The following CAMK1 variants were observed in gnomAD, a reference collection of about 807,000 sequenced individuals.
The protein encoded by CAMK1 is calcium/calmodulin-dependent protein kinase type 1.
CAMK1 carries 39 observed loss-of-function variants against 49.1 expected under a neutral mutation model. The ratio of observed to expected loss-of-function variants is 0.79; its 90% CI spans 0.62 to 1.04. CAMK1 has a LOEUF of 1.04. Among genes scored for constraint, CAMK1 ranks in the 50% least tolerant of loss-of-function variants. The probability of loss-of-function intolerance (pLI) is 0.00; values close to 1 mark genes in which losing one functional copy is unlikely to be tolerated. For synonymous variants in CAMK1, 192 were observed against 185.2 expected, an observed-to-expected ratio of 1.04 and a Z score of -0.30; for missense variants, 457 against 472.2, an observed-to-expected ratio of 0.97 and a Z score of 0.30.
chr3:9,757,885 C>A lies in CAMK1; in HGVS notation c.913-39G>T. 1 of 1,569,118 alleles carries A rather than the reference C, an allele frequency of 6.4e-7. No homozygotes were observed. Among genetic ancestry groups the A allele is most frequent in the East Asian group, 2.3e-5 (1 of 44,126 alleles). On this transcript the variant is annotated intron_variant, in intron 10 of 11. Coordinates refer to ENST00000256460, the MANE Select transcript of CAMK1 (RefSeq NM_003656.5). The surrounding 1 kb of genome is among the most constrained non-coding windows in gnomAD (Gnocchi z 4.5). ...CATTGAAGGGAGAGGGGAGAAAGGACTTTTGAGAGAGTCAAGTCATGGGGC... is the reference window on the plus strand; with the variant it reads ...CATTGAAGGGAGAGGGGAGAAAGGAATTTTGAGAGAGTCAAGTCATGGGGC...
Position 9,762,926 on chromosome 3 carries a change from G to T in CAMK1, c.417C>A (p.His139Gln). 1.2e-6 allele frequency: 2 copies of T among 1,614,112 alleles called. No homozygotes were observed. The highest frequency in any genetic ancestry group is 1.7e-6 in the Non-Finnish European group (2 of 1,180,022). Reference protein sequence around the residue: ...VKYLHDLGIVHRDLKPENLLY... With the variant: ...VKYLHDLGIVQRDLKPENLLY... ...CCTTGAGCCCCACCTTGAGATCCCG[G>T]TGTACAATGCCCAGGTCATGCAGGT... Residue 139 changes from histidine to glutamine, a missense_variant, in exon 5 of 12, where the codon CAC (histidine) becomes CAA (glutamine). His to Gln is a conservative substitution (Grantham distance 24). Coordinates refer to ENST00000256460, the MANE Select transcript of CAMK1 (RefSeq NM_003656.5).
Position 9,769,945 on chromosome 3 carries a change from G to A in CAMK1, c.-146C>T, listed in dbSNP as rs1559708497. 1 of 152,272 alleles carries A rather than the reference G, an allele frequency of 6.6e-6. No homozygotes were observed. The highest frequency in any genetic ancestry group is 2.4e-5 in the African/African-American group (1 of 41,454). 9.4% of individuals were successfully genotyped at this position (152,272 alleles called of 1,614,324 possible). The stretch of plus-strand genomic sequence containing the variant: ...GCCACCCGCCCGCGCTCTTGCTGGA[G>A]CTGGGGCTCGGCTCGGCTCGGCGGC... On this transcript the variant is annotated 5_prime_UTR_variant, in exon 1 of 12. Coordinates refer to ENST00000256460, the MANE Select transcript of CAMK1 (RefSeq NM_003656.5).
At chr3:9,761,028 T>C (rs1575230958) in intron 7 of CAMK1, 1 of 457,606 alleles carries the variant, frequency 2.2e-6, no homozygotes, top group East Asian at 4.2e-5. Context: ...ACACCTCCAA[T>C]GTCTGGCTCC....
intron 10 of CAMK1, chr3:9,759,245 T>A (rs767135568): frequency 3.7e-6 from 6 of 1,614,184 alleles, no homozygotes; most frequent in Non-Finnish European, 5.1e-6. Context: ...CTGGATCAGA[T>A]GCCTCCTGAA....
Position 9,760,745 on chromosome 3 carries a change from T to C in CAMK1, c.656A>G (p.Tyr219Cys). 6.2e-7 allele frequency: 1 copy of C among 1,614,020 alleles called. No homozygotes were observed. The highest frequency in any genetic ancestry group is 2.2e-5 in the East Asian group (1 of 44,848). Residue 219 changes from tyrosine (Y) to cysteine (C), a missense_variant, in exon 8 of 12, where the codon TAT becomes TGT. Coordinates refer to ENST00000256460, the MANE Select transcript of CAMK1 (RefSeq NM_003656.5). The part of the protein sequence containing the change: ...YILLCGYPPF[Y>C]DENDAKLFEQ... ...AAAGAGTTTGGCATCATTCTCGTCA[T>C]AGAAGGGAGGGTAACCGCAGAGCCT...
intron 10 of CAMK1, 59 bp downstream of exon 10, chr3:9,759,429 G>A (rs573056321): frequency 2.4e-4 from 387 of 1,610,732 alleles, no homozygotes; most frequent in Non-Finnish European, 3.0e-4. Context: ...GCTGAGCCTG[G>A]GTAGGGATGG....
chr3:9,757,666 C>T lies in CAMK1; in HGVS notation c.1031-45G>A. The T allele has an allele frequency of 6.2e-7, 1 of 1,614,076 alleles. No homozygotes were observed. The highest frequency in any genetic ancestry group is 8.5e-7 in the Non-Finnish European group (1 of 1,179,994). On this transcript the variant is annotated intron_variant, in intron 11 of 11. Transcript: ENST00000256460. The surrounding 1 kb of genome is among the most constrained non-coding windows in gnomAD (Gnocchi z 4.5). ...AGAGGTGGCCGCAGGGGCAGGCCCT[C>T]CACTCCAGCCCGGGTGCACCTTTGT...
chr3:9,757,993 A>C lies in CAMK1; in HGVS notation c.913-147T>G. The C allele has an allele frequency of 7.4e-7, 1 of 1,345,984 alleles. No homozygotes were observed. Among genetic ancestry groups the C allele is most frequent in the Non-Finnish European group, 9.9e-7 (1 of 1,014,036 alleles). The allele number at this position is 1,345,984 out of a possible 1,614,324, so 83.4% of individuals were successfully genotyped here. A position where few individuals can be genotyped will look rare whatever the true frequency, so the allele number is the denominator to read the frequency against. ...TTAATTCCCCTAAAGCCCCCCAAAA[A>C]CCTCTACAAGGCTTTATTATATATT... is the stretch of plus-strand genomic sequence containing the variant. On this transcript the variant is annotated intron_variant, in intron 10 of 11. Coordinates refer to ENST00000256460, the MANE Select transcript of CAMK1 (RefSeq NM_003656.5). This position sits in a 1 kb window ranked among gnomAD's most constrained non-coding sequence, Gnocchi z 4.5.
chr3:9,765,908 T>G lies in CAMK1; in HGVS notation c.84-18A>C. The G allele has an allele frequency of 6.2e-7, 1 of 1,613,786 alleles. No homozygotes were observed. The highest frequency in any genetic ancestry group is 8.5e-7 in the Non-Finnish European group (1 of 1,179,962). ...AGGCCCCCCTATCGGGAGAGGGGAT[T>G]CACAAGGTGAAGAACTGGAACCCCA... is the stretch of plus-strand genomic sequence containing the variant. On this transcript the variant is annotated intron_variant, in intron 2 of 11. Transcript: ENST00000256460.
intron 1 of CAMK1, among the ~76,000 whole-genome samples, chr3:9,769,540 G>GC (rs936942675): frequency 1.1e-4 from 16 of 152,124 alleles, no homozygotes; most frequent in East Asian, 7.7e-4. Flanking sequence ...CACTCCGCAA[G>GC]CCCCCCCACC....
In CAMK1 at chr3:9,761,750, T is replaced by A; in HGVS notation, c.437A>T (p.Asn146Ile). ...TTCATCCAGGCTGTAGTACAGCAGA[T>A]TCTCTGGCTTGAAGGGCAGGAGGGA... The part of the protein sequence containing the change: ...GIVHRDLKPE[N>I]LLYYSLDEDS... The change falls in exon 6 of 12, where the codon AAT becomes ATT. Residue 146 changes from asparagine to isoleucine, a missense_variant. Physicochemically the swap from Asn to Ile is moderately radical, Grantham distance 149. Transcript: ENST00000256460. 1 of 1,614,026 alleles carries A rather than the reference T, an allele frequency of 6.2e-7. No homozygotes were observed. The highest frequency in any genetic ancestry group is 2.2e-5 in the East Asian group (1 of 44,878).
intron 10 of CAMK1, chr3:9,759,110 G>C (rs1003376079): frequency 8.2e-7 from 1 of 1,220,996 alleles, no homozygotes; most frequent in African/African-American, 1.5e-5. Flanking sequence ...AGTCTGGCCA[G>C]GCTTAGCACT....
rs2304276 is a variant in CAMK1, at chr3:9,757,651, G to T, written c.1031-30C>A. The T allele has an allele frequency of 3.1e-6, 5 of 1,614,052 alleles. No homozygotes were observed. The South Asian group carries it at 5.5e-5, about 18-fold the overall frequency. ...ATGGGAAGACAGAACAGAGGTGGCC[G>T]CAGGGGCAGGCCCTCCACTCCAGCC... On this transcript the variant is annotated intron_variant, in intron 11 of 11. Coordinates refer to ENST00000256460, the MANE Select transcript of CAMK1 (RefSeq NM_003656.5). The surrounding 1 kb of genome is among the most constrained non-coding windows in gnomAD (Gnocchi z 4.5).
chr3:9,762,990 GCGTCCCGCTC>G lies in CAMK1; in HGVS notation c.343_352del (p.Glu115ProfsTer12). 1 of 1,614,156 alleles carries G rather than the reference GCGTCCCGCTC, an allele frequency of 6.2e-7. No homozygotes were observed. The highest frequency in any genetic ancestry group is 8.5e-7 in the Non-Finnish European group (1 of 1,180,036). On this transcript the variant is annotated frameshift_variant, in exon 5 of 12. Coordinates refer to ENST00000256460, the MANE Select transcript of CAMK1 (RefSeq NM_003656.5). LOFTEE classifies it high-confidence loss of function. The stretch of plus-strand genomic sequence containing the variant: ...CAGCACCTGGAAGATGAGGCGGCTG[GCGTCCCGCTC>G]CGTGTAGAAGCCTTTTTCCACAATA...
intron 1 of CAMK1, among the ~76,000 whole-genome samples, chr3:9,767,983 C>G (rs2078201695): frequency 6.6e-6 from 1 of 152,236 alleles, no homozygotes; most frequent in Admixed American, 6.5e-5. Flanking sequence ...ACAGTGGCAG[C>G]AAAATTCTTT....
intron 3 of CAMK1, among the ~76,000 whole-genome samples, chr3:9,763,463 C>T (rs1191718677): frequency 1.3e-5 from 2 of 151,826 alleles, no homozygotes; most frequent in Non-Finnish European, 2.9e-5. Flanking sequence ...ACCCCCAACC[C>T]CCGACCACTG....
At chr3:9,760,890 C>T in intron 7 of CAMK1, 122 bp from the exon 8 acceptor site, 1 of 1,411,830 alleles carries the variant, frequency 7.1e-7, no homozygotes, top group Non-Finnish European at 9.6e-7. Flanking sequence ...TTTATAAACT[C>T]TACCAGCCCT....
chr3:9,766,569 G>A, intron 2 of CAMK1: 1 of 798,242 alleles, frequency 1.3e-6, no homozygotes, highest in South Asian at 2.1e-5. Flanking sequence ...ATCCTCAGGT[G>A]ATTTGTATGC....
intron 2 of CAMK1, chr3:9,766,819 CCT>C (rs2078167131): frequency 5.4e-6 from 1 of 186,024 alleles, no homozygotes; most frequent in South Asian, 1.4e-4. Context: ...CAGTCTTGTC[CCT>C]CTCCAATTTA....
Sources: allele counts gnomAD v4.1 joint callset (sites outside exome capture counted in the v4.1 genomes callset), GRCh38; gene constraint gnomAD v4.1.1; non-coding constraint Gnocchi (gnomAD v3.1); transcripts MANE v1.5; gene names NCBI Gene and HGNC (gene_info 2026-07-23, HGNC 2026-07-21).